The following DCC variants were observed in gnomAD, a reference collection of about 807,000 sequenced individuals.
DCC encodes the protein netrin receptor DCC.
DCC carries 58 observed loss-of-function variants against 172.5 expected under a neutral mutation model. The observed-to-expected ratio is 0.34, with a 90% CI of 0.27 to 0.42. The LOEUF is 0.42. Among genes scored for constraint, DCC ranks in the 10% least tolerant of loss-of-function variants. The probability of loss-of-function intolerance (pLI) is 1.00; values close to 1 mark genes in which losing one functional copy is unlikely to be tolerated. For synonymous variants in DCC, 709 were observed against 644.5 expected (o/e 1.10, Z -1.52); for missense variants, 1,740 against 1,791.0 (o/e 0.97, Z 0.51).
At chr18:52,443,046 T>C (rs1027711581) in intron 1 of DCC, among the ~76,000 whole-genome samples, 1 of 152,062 alleles carries the variant, frequency 6.6e-6, no homozygotes, top group African/African-American at 2.4e-5. Context: ...AGAACTTCAG[T>C]GTAACAATGG....
chr18:53,229,665 T>A (rs1015415027), intron 12 of DCC, among the ~76,000 whole-genome samples: 7 of 152,060 alleles, frequency 4.6e-5, no homozygotes, highest in African/African-American at 1.7e-4. Context: ...AGCCAGATTT[T>A]GAACATTTAA....
intron 1 of DCC, among the ~76,000 whole-genome samples, chr18:52,488,836 A>G (rs1357802935): frequency 6.6e-6 from 1 of 152,100 alleles, no homozygotes; most frequent in Non-Finnish European, 1.5e-5. Context: ...CATGCCCTAA[A>G]TGTGAAAAGA....
chr18:52,697,311 A>G (rs2036029085), intron 1 of DCC, among the ~76,000 whole-genome samples: 1 of 152,210 alleles, frequency 6.6e-6, no homozygotes, highest in African/African-American at 2.4e-5. Flanking sequence ...ACTGTTATCC[A>G]CAATAGTTAT....
intron 1 of DCC, among the ~76,000 whole-genome samples, chr18:52,515,717 G>C (rs970394770): frequency 6.9e-6 from 1 of 145,928 alleles, no homozygotes; most frequent in African/African-American, 2.5e-5. Flanking sequence ...CACTCCAAAA[G>C]AACAATGCAT....
intron 2 of DCC, among the ~76,000 whole-genome samples, chr18:52,885,376 A>G (rs758780951): frequency 2.0e-5 from 3 of 152,008 alleles, no homozygotes; most frequent in Non-Finnish European, 2.9e-5. Flanking sequence ...ACCACAAAAG[A>G]GTCATTCCCA....
At chr18:53,237,358 G>A (rs1337808385) in intron 12 of DCC, among the ~76,000 whole-genome samples, 1 of 152,078 alleles carries the variant, frequency 6.6e-6, no homozygotes, top group African/African-American at 2.4e-5. Flanking sequence ...ATATATCTTG[G>A]CATATTTGAA....
intron 16 of DCC, among the ~76,000 whole-genome samples, chr18:53,389,250 C>T (rs888762674): frequency 1.3e-5 from 2 of 149,612 alleles, no homozygotes; most frequent in Non-Finnish European, 3.0e-5. Flanking sequence ...TCAGAGTCAG[C>T]GTATAAATCA....
chr18:52,994,796 T>C (rs1016408549), intron 5 of DCC, among the ~76,000 whole-genome samples: 1 of 152,188 alleles, frequency 6.6e-6, no homozygotes, highest in African/African-American at 2.4e-5. Flanking sequence ...TGTCCCATGA[T>C]GTTTTAATGT....
chr18:52,996,144 T>C (rs528098079), intron 5 of DCC, among the ~76,000 whole-genome samples: 43 of 152,164 alleles, frequency 2.8e-4, no homozygotes, highest in Non-Finnish European at 5.0e-4. Flanking sequence ...CATAGCGATG[T>C]GTAATAGCGT....
intron 5 of DCC, among the ~76,000 whole-genome samples, chr18:53,034,084 CTT>C (rs1190889385): frequency 6.6e-6 from 1 of 151,924 alleles, no homozygotes; most frequent in Non-Finnish European, 1.5e-5. Context: ...TCTCTTCTCT[CTT>C]TTTGAGAGAG....
At chr18:52,563,900 T>C (rs1365283897) in intron 1 of DCC, among the ~76,000 whole-genome samples, 1 of 152,158 alleles carries the variant, frequency 6.6e-6, no homozygotes, top group Admixed American at 6.6e-5. Flanking sequence ...CCAAAATCCC[T>C]GAGTCTCACC....
intron 25 of DCC, among the ~76,000 whole-genome samples, chr18:53,470,224 G>A (rs139850115): frequency 6.6e-6 from 1 of 151,858 alleles, no homozygotes; most frequent in African/African-American, 2.4e-5. Context: ...TTATCCTGAG[G>A]CAGGATCTCT....
intron 21 of DCC, chr18:53,416,458 A>G (rs1372937390): frequency 2.0e-5 from 10 of 510,868 alleles, no homozygotes; most frequent in Non-Finnish European, 3.2e-5. Context: ...AATAATTCAC[A>G]TTAAGTATAA....
At chr18:53,084,769 CAT>C (rs542110219) in intron 7 of DCC, among the ~76,000 whole-genome samples, 18 of 152,314 alleles carry the variant, frequency 1.2e-4, no homozygotes, top group East Asian at 3.9e-4. Context: ...CAATAACAAA[CAT>C]ATGTAATTTG....
chr18:53,367,636 T>C (rs775458950), intron 15 of DCC, among the ~76,000 whole-genome samples: 7 of 152,156 alleles, frequency 4.6e-5, no homozygotes, highest in Non-Finnish European at 1.0e-4. Context: ...CTTTTAATCT[T>C]GTAAAGCTGA....
intron 1 of DCC, among the ~76,000 whole-genome samples, chr18:52,455,845 A>T (rs1036255211): frequency 6.6e-6 from 1 of 152,214 alleles, no homozygotes; most frequent in Non-Finnish European, 1.5e-5. Flanking sequence ...TTAGCAAAGG[A>T]TTAAACGTCC....
At chr18:53,321,758 G>T (rs1268629220) in intron 13 of DCC, among the ~76,000 whole-genome samples, 1 of 152,012 alleles carries the variant, frequency 6.6e-6, no homozygotes, top group Non-Finnish European at 1.5e-5. Flanking sequence ...TGTAATTTTT[G>T]ATTATTTCTT....
rs530255200 is a variant in DCC, at chr18:53,535,632, CA to C, written c.*4984del. On this transcript the variant is annotated 3_prime_UTR_variant, in exon 29 of 29. Coordinates refer to ENST00000442544, the MANE Select transcript of DCC (RefSeq NM_005215.4). ...TTAACAAAAAGGTATTTTGAGCCTA[CA>C]AAAAGTTTCTTTAAACTGTCAGATT... 1,047 of 152,242 alleles carry C rather than the reference CA, an allele frequency of 6.9e-3. 7 individuals carry two copies. The highest frequency in any genetic ancestry group is 0.024 in the African/African-American group (993 of 41,540). 9.4% of individuals were successfully genotyped at this position (152,242 alleles called of 1,614,324 possible). A position where few individuals can be genotyped will look rare whatever the true frequency, so the allele number is the denominator to read the frequency against.
At chr18:53,082,493 A>G (rs575740286) in intron 7 of DCC, among the ~76,000 whole-genome samples, 10 of 152,268 alleles carry the variant, frequency 6.6e-5, no homozygotes, top group African/African-American at 2.2e-4. Flanking sequence ...TAGTTAAGAA[A>G]TATAATACTC....
Sources: gnomAD v4.1 joint callset for allele counts (sites outside exome capture counted in the v4.1 genomes callset) on GRCh38, gnomAD v4.1.1 for gene constraint, MANE v1.5 for transcripts, NCBI Gene and HGNC (gene_info 2026-07-23, HGNC 2026-07-21) for gene names.